The following PPP2R5C variants were observed in gnomAD, a reference collection of about 807,000 sequenced individuals.
The protein encoded by PPP2R5C is serine/threonine-protein phosphatase 2A 56 kDa regulatory subunit gamma isoform.
In PPP2R5C, 7 loss-of-function variants were observed where a neutral mutation model predicts 68.9. That is an observed-to-expected ratio of 0.10 (90% CI 0.06 to 0.19). PPP2R5C has a LOEUF of 0.19. PPP2R5C is among the 10% of genes least tolerant of loss of function. The probability of loss-of-function intolerance (pLI) is 1.00; values close to 1 mark genes in which losing one functional copy is unlikely to be tolerated. For missense variants in PPP2R5C, 348 were observed against 641.3 expected, an observed-to-expected ratio of 0.54 and a Z score of 4.94; for synonymous variants, 210 against 222.2, an observed-to-expected ratio of 0.95 and a Z score of 0.49.
At chr14:101,784,133 G>C (rs1166996946) in intron 2 of PPP2R5C, among the ~76,000 whole-genome samples, 1 of 152,224 alleles carries the variant, frequency 6.6e-6, no homozygotes, top group African/African-American at 2.4e-5. Flanking sequence ...GCTGCCTGCT[G>C]TTCCGGGCAG....
At chr14:101,914,144 C>G (rs1160416975) in intron 12 of PPP2R5C, 2 of 454,396 alleles carry the variant, frequency 4.4e-6, no homozygotes, top group Admixed American at 4.7e-5. Context: ...TTTTTGGTTG[C>G]TCTCTTTGCA....
chr14:101,905,770 C>T (rs2081744230), intron 9 of PPP2R5C, among the ~76,000 whole-genome samples: 1 of 152,158 alleles, frequency 6.6e-6, no homozygotes, highest in African/African-American at 2.4e-5. Flanking sequence ...CATGCCCCCA[C>T]TGCCCTCTGC....
chr14:101,903,794 G>A (rs2045861585), intron 9 of PPP2R5C, among the ~76,000 whole-genome samples: 1 of 151,948 alleles, frequency 6.6e-6, no homozygotes, highest in Admixed American at 6.5e-5. Context: ...TCCTGCCTCG[G>A]CCTCCCGAGT....
intron 8 of PPP2R5C, among the ~76,000 whole-genome samples, chr14:101,895,300 A>T (rs1464368536): frequency 2.0e-5 from 3 of 152,114 alleles, no homozygotes; most frequent in African/African-American, 7.2e-5. Flanking sequence ...TACATTTTGA[A>T]TTTTTTTAAA....
intron 1 of PPP2R5C, among the ~76,000 whole-genome samples, chr14:101,842,140 T>G (rs1467988059): frequency 6.6e-6 from 1 of 152,192 alleles, no homozygotes; most frequent in Admixed American, 6.5e-5. Flanking sequence ...AGAATGTTAC[T>G]CATTTCCATG....
At chr14:101,842,863 A>G (rs138744910) in intron 1 of PPP2R5C, among the ~76,000 whole-genome samples, 2,308 of 146,588 alleles carry the variant, frequency 0.016, 63 homozygotes, top group African/African-American at 0.055. Flanking sequence ...ACTATGTCCT[A>G]TCATACTTAC....
intron 1 of PPP2R5C, 95 bp from the exon 2 acceptor site, chr14:101,762,810 T>C (rs1209396297): frequency 4.1e-6 from 4 of 969,926 alleles, no homozygotes; most frequent in Non-Finnish European, 6.4e-6. Context: ...GAAGCTGTAG[T>C]TGTATAAATC....
At chr14:101,866,078 A>G (rs2043046520) in intron 2 of PPP2R5C, among the ~76,000 whole-genome samples, 1 of 152,142 alleles carries the variant, frequency 6.6e-6, no homozygotes, top group Admixed American at 6.5e-5. Context: ...TATTTTTAAT[A>G]GAGACAGGGT....
intron 1 of PPP2R5C, among the ~76,000 whole-genome samples, chr14:101,821,369 C>T (rs143419428): frequency 0.028 from 4,143 of 149,138 alleles, 66 homozygotes; most frequent in Middle Eastern, 0.076. Flanking sequence ...GGTCTACCAT[C>T]CCCACATCTC....
intron 2 of PPP2R5C, among the ~76,000 whole-genome samples, chr14:101,864,574 C>A (rs146787214): frequency 6.6e-6 from 1 of 152,186 alleles, no homozygotes; most frequent in Admixed American, 6.5e-5. Flanking sequence ...GAGGCCTAAC[C>A]CCTTGCCTGG....
Position 101,836,411 on chromosome 14 carries a change from G to A in PPP2R5C, c.95-20275G>A, listed in dbSNP as rs1267693155. On this transcript the variant is annotated intron_variant, in intron 1 of 13. Coordinates refer to ENST00000334743, the Ensembl canonical transcript of PPP2R5C. ...CTGCCAACCTTAGCCTAAAATCAGA[G>A]CTGCTAGAATCACACACACTGTCGT... 1.3e-5 allele frequency: 9 copies of A among 701,420 alleles called. No homozygotes were observed. The East Asian group carries it at 2.4e-4, about 19-fold the overall frequency. 43.4% of individuals were successfully genotyped at this position (701,420 alleles called of 1,614,324 possible). A position where few individuals can be genotyped will look rare whatever the true frequency, so the allele number is the denominator to read the frequency against.
intron 3 of PPP2R5C, among the ~76,000 whole-genome samples, chr14:101,791,029 G>A (rs570344994): frequency 1.3e-5 from 2 of 151,782 alleles, no homozygotes; most frequent in South Asian, 2.1e-4. Context: ...GCAGTGAGCC[G>A]AGATCACACC....
chr14:101,859,472 C>A (rs1325696610), intron 2 of PPP2R5C, among the ~76,000 whole-genome samples: 10 of 152,212 alleles, frequency 6.6e-5, no homozygotes, highest in Non-Finnish European at 1.5e-4. Flanking sequence ...TTCCTTTCTG[C>A]TCTAAGTTCA....
At chr14:101,890,537 C>T (rs962856278) in intron 6 of PPP2R5C, among the ~76,000 whole-genome samples, 3 of 152,138 alleles carry the variant, frequency 2.0e-5, no homozygotes, top group Non-Finnish European at 1.5e-5. Context: ...ACCTCAGTAT[C>T]ATTACTATGG....
intron 1 of PPP2R5C, among the ~76,000 whole-genome samples, chr14:101,817,508 T>C (rs781568353): frequency 1.1e-4 from 16 of 152,196 alleles, no homozygotes; most frequent in South Asian, 2.1e-4. Flanking sequence ...AACAGCGTTT[T>C]TGGGGTGCAT....
rs150386182 is a variant in PPP2R5C, at chr14:101,907,940, C to T, written c.1151+1411C>T. On this transcript the variant is annotated intron_variant, in intron 10 of 13. Coordinates refer to ENST00000334743, the Ensembl canonical transcript of PPP2R5C. ...CGAGCGAGCGTCCAGCCAGTCCACTCGCGTCAAGTCTTCTGAGGGTTGCCG... is the reference window on the plus strand; with the variant it reads ...CGAGCGAGCGTCCAGCCAGTCCACTTGCGTCAAGTCTTCTGAGGGTTGCCG... Among the ~76,000 whole-genome samples the T allele has an allele frequency of 5.8e-3, 881 of 152,318 alleles. 5 individuals are homozygous for T. Among genetic ancestry groups the T allele is most frequent in the Non-Finnish European group, 9.6e-3 (650 of 68,034 alleles).
At chr14:101,839,744 A>G (rs72715663) in intron 1 of PPP2R5C, among the ~76,000 whole-genome samples, 1 of 152,224 alleles carries the variant, frequency 6.6e-6, no homozygotes. Flanking sequence ...GATTTATTGA[A>G]TCGTAGCACA....
At chr14:101,868,008 C>T (rs2043188932) in intron 2 of PPP2R5C, among the ~76,000 whole-genome samples, 1 of 152,118 alleles carries the variant, frequency 6.6e-6, no homozygotes. Flanking sequence ...ACCCTGCACC[C>T]CCAGATGGGT....
rs115358625 is a variant in PPP2R5C, at chr14:101,888,309, G to A, written c.630-1928G>A. ...AGTTTCGTAAATTAAAGCACCTCTC[G>A]GTGTAGACACACACAGACTGACTTC... On this transcript the variant is annotated intron_variant, in intron 5 of 13. Coordinates refer to ENST00000334743, the Ensembl canonical transcript of PPP2R5C. The surrounding 1 kb of genome is among the most constrained non-coding windows in gnomAD (Gnocchi z 5.6). Among the ~76,000 whole-genome samples the A allele has an allele frequency of 3.4e-3, 516 of 152,120 alleles. 5 individuals carry two copies. The highest frequency in any genetic ancestry group is 0.011 in the African/African-American group (477 of 41,488).
Sources: gnomAD v4.1 joint callset for allele counts (sites outside exome capture counted in the v4.1 genomes callset) on GRCh38, gnomAD v4.1.1 for gene constraint, Gnocchi (gnomAD v3.1) non-coding constraint, MANE v1.5 for transcripts, NCBI Gene and HGNC (gene_info 2026-07-23, HGNC 2026-07-21) for gene names.